Variants in NYAP2 observed in about 807,000 individuals in gnomAD.
The protein encoded by NYAP2 is neuronal tyrosine-phosphorylated phosphoinositide-3-kinase adapter 2.
A neutral mutation model predicts 50.4 loss-of-function variants in NYAP2; 23 were observed. The ratio of observed to expected loss-of-function variants is 0.46; its 90% CI spans 0.33 to 0.65. The LOEUF (loss-of-function observed/expected upper bound fraction) is 0.65. Ranked by LOEUF, NYAP2 falls within the 30% of genes least tolerant of loss-of-function variation. The pLI is 0.02. For missense variants in NYAP2, 885 were observed against 861.0 expected (o/e 1.03, Z -0.35); for synonymous variants, 394 against 365.2 (o/e 1.08, Z -0.90).
At chr2:225,631,311 T>C (rs1693310291) in intron 6 of NYAP2, among the ~76,000 whole-genome samples, 2 of 152,222 alleles carry the variant, frequency 1.3e-5, no homozygotes, top group African/African-American at 4.8e-5. Flanking sequence ...GCATCTCTTT[T>C]GGTTTACAGC....
At chr2:225,625,743 G>A (rs181680611) in intron 5 of NYAP2, among the ~76,000 whole-genome samples, 5 of 152,122 alleles carry the variant, frequency 3.3e-5, no homozygotes, top group Admixed American at 6.6e-5. Flanking sequence ...GATTCTTGCC[G>A]ATGATATTAA....
At chr2:225,589,516 A>AATATGTATATATAT (rs1692453386) in intron 5 of NYAP2, among the ~76,000 whole-genome samples, 1 of 71,356 alleles carries the variant, frequency 1.4e-5, no homozygotes, top group Non-Finnish European at 2.7e-5. Context: ...CTAAAAGTAA[A>AATATGTATATATAT]ATATATATAT....
chr2:225,703,616 G>A, the NYAP2 span: 4 of 151,618 alleles, frequency 2.6e-5, no homozygotes, highest in East Asian at 7.8e-4. Context: ...ATTTATTTGT[G>A]CTCCCGTGTA....
intron 4 of NYAP2, among the ~76,000 whole-genome samples, chr2:225,573,023 A>T (rs1377967302): frequency 6.6e-6 from 1 of 152,088 alleles, no homozygotes; most frequent in Non-Finnish European, 1.5e-5. Context: ...TGATTTTATA[A>T]TACTCAAAGG....
chr2:225,519,997 T>C (rs1483067592), intron 4 of NYAP2, among the ~76,000 whole-genome samples: 1 of 152,190 alleles, frequency 6.6e-6, no homozygotes, highest in African/African-American at 2.4e-5. Flanking sequence ...CATTGTGGTT[T>C]TGATTTGCAT....
chr2:225,564,100 T>G (rs1477582969), intron 4 of NYAP2, among the ~76,000 whole-genome samples: 1 of 152,062 alleles, frequency 6.6e-6, no homozygotes, highest in African/African-American at 2.4e-5. Flanking sequence ...TTTTCATAAC[T>G]ATTTAAATAA....
chr2:225,458,416 T>C (rs1199853494), intron 3 of NYAP2, among the ~76,000 whole-genome samples: 2 of 152,222 alleles, frequency 1.3e-5, no homozygotes, highest in Non-Finnish European at 2.9e-5. Context: ...AATTGAATTA[T>C]AGTTTTTTTA....
Position 225,582,810 on chromosome 2 carries a change from C to T in NYAP2, c.1393C>T (p.Leu465Phe). ...TTACGACGCTGTGCATTCGGGCAGC[C>T]TCTCAAGGAGCTCTCCTTCAGTGCC... The change falls in exon 5 of 7, where the codon CTC becomes TTC. Residue 465 changes from leucine to phenylalanine, a missense_variant. Coordinates refer to ENST00000636099, the Ensembl canonical transcript of NYAP2. This position sits in a 1 kb window ranked among gnomAD's most constrained non-coding sequence, Gnocchi z 7.0. 2 of 1,613,938 alleles carry T rather than the reference C, an allele frequency of 1.2e-6. No homozygotes were observed. Among genetic ancestry groups the T allele is most frequent in the Non-Finnish European group, 1.7e-6 (2 of 1,179,894 alleles).
chr2:225,668,959 T>C, the NYAP2 span, among the ~76,000 whole-genome samples: 2 of 5,200 alleles, frequency 3.8e-4, no homozygotes, highest in Non-Finnish European at 5.5e-4. Flanking sequence ...TCCCCTGCTT[T>C]TTTTTTTTTT....
chr2:225,678,251 G>T, the NYAP2 span, among the ~76,000 whole-genome samples: 7 of 151,736 alleles, frequency 4.6e-5, no homozygotes, highest in South Asian at 1.5e-3. Flanking sequence ...CTGTGGGAGC[G>T]GTTGTAAGGT....
At chr2:225,563,249 G>C (rs950355648) in intron 4 of NYAP2, among the ~76,000 whole-genome samples, 1 of 152,052 alleles carries the variant, frequency 6.6e-6, no homozygotes, top group Non-Finnish European at 1.5e-5. Context: ...TTCCAAAGAA[G>C]ATTATTCTTA....
intron 3 of NYAP2, among the ~76,000 whole-genome samples, chr2:225,482,395 C>T (rs1353729591): frequency 6.6e-6 from 1 of 152,150 alleles, no homozygotes; most frequent in Non-Finnish European, 1.5e-5. Flanking sequence ...GCAGGTTCCT[C>T]TGCAGTGTTT....
At chr2:225,605,659 G>GTAAATAAA in intron 5 of NYAP2, among the ~76,000 whole-genome samples, 1 of 151,788 alleles carries the variant, frequency 6.6e-6, no homozygotes, top group Non-Finnish European at 1.5e-5. Context: ...TAATCATAAT[G>GTAAATAAA]TAAATAAATA....
chr2:225,680,087 T>C, the NYAP2 span, among the ~76,000 whole-genome samples: 1 of 152,176 alleles, frequency 6.6e-6, no homozygotes, highest in Admixed American at 6.5e-5. Flanking sequence ...CTTCACACTT[T>C]CCCTTGTTGC....
intron 5 of NYAP2, among the ~76,000 whole-genome samples, chr2:225,624,184 C>T (rs1327326513): frequency 1.3e-5 from 2 of 152,180 alleles, no homozygotes; most frequent in East Asian, 1.9e-4. Flanking sequence ...TGAGCCTTTA[C>T]TTGTTCAGGG....
At chr2:225,690,449 A>G in the NYAP2 span, among the ~76,000 whole-genome samples, 2 of 152,094 alleles carry the variant, frequency 1.3e-5, no homozygotes, top group Admixed American at 6.6e-5. Flanking sequence ...TGTAAAGTTG[A>G]CCCATACTTT....
intron 4 of NYAP2, among the ~76,000 whole-genome samples, chr2:225,528,678 A>G (rs1019462423): frequency 1.3e-5 from 2 of 152,188 alleles, no homozygotes; most frequent in African/African-American, 2.4e-5. Context: ...AAATCCCTAG[A>G]GAGTTGTGGA....
At chr2:225,505,937 C>A (rs552828322) in intron 3 of NYAP2, among the ~76,000 whole-genome samples, 2 of 152,110 alleles carry the variant, frequency 1.3e-5, no homozygotes, top group African/African-American at 4.8e-5. Context: ...TTCGTGTATG[C>A]CCTGGTTTCA....
intron 4 of NYAP2, among the ~76,000 whole-genome samples, chr2:225,564,590 C>A (rs563535961): frequency 2.4e-4 from 37 of 151,878 alleles, no homozygotes; most frequent in African/African-American, 6.5e-4. Context: ...ACAAAAAAAT[C>A]TTTTCTCTTT....
Sources: gnomAD v4.1 joint callset for allele counts (sites outside exome capture counted in the v4.1 genomes callset) on GRCh38, gnomAD v4.1.1 for gene constraint, Gnocchi (gnomAD v3.1) non-coding constraint, MANE v1.5 for transcripts, NCBI Gene and HGNC (gene_info 2026-07-23, HGNC 2026-07-21) for gene names.